PAM: variants seen among roughly 807,000 people sequenced by gnomAD.
PAM encodes the protein peptidyl-glycine alpha-amidating monooxygenase.
PAM carries 72 observed loss-of-function variants against 122.1 expected under a neutral mutation model. That is an observed-to-expected ratio of 0.59 (90% CI 0.49 to 0.72). The LOEUF (loss-of-function observed/expected upper bound fraction) is 0.72, where lower values mean the gene tolerates loss of function less well. PAM is among the 30% of genes least tolerant of loss of function. PAM has a pLI of 0.00. For synonymous variants in PAM, 389 were observed against 404.4 expected (o/e 0.96, Z 0.46); for missense variants, 1,106 against 1,183.7 (o/e 0.93, Z 0.96).
At chr5:102,885,101 A>ATATATATATAT (rs1561760697) in intron 3 of PAM, among the ~76,000 whole-genome samples, 2 of 151,442 alleles carry the variant, frequency 1.3e-5, no homozygotes, top group African/African-American at 4.9e-5. Context: ...ATATAACTAT[A>ATATATATATAT]AAAGCTTTAC....
chr5:102,900,516 G>A lies in PAM; in HGVS notation c.211-840G>A, dbSNP rs975817773. On this transcript the variant is annotated intron_variant, in intron 3 of 25. Transcript: ENST00000438793. ...ATAGGTACAAAATTCACAATTTTTT[G>A]GTGCTAATTGTTAGGTTTAGAAATG... 2.6e-5 allele frequency among the ~76,000 whole-genome samples: 4 copies of A among 151,422 alleles called. No individual in the cohort carries two copies. In the East Asian group the frequency reaches 7.8e-4, roughly 30 times the overall value.
At chr5:102,849,466 G>A (rs543468609) in intron 1 of PAM, among the ~76,000 whole-genome samples, 136 of 151,320 alleles carry the variant, frequency 9.0e-4, no homozygotes, top group Non-Finnish European at 1.6e-3. Flanking sequence ...GCTGAGACAG[G>A]AGAATCGCTT....
At chr5:103,000,945 A>G (rs897042313) in intron 16 of PAM, among the ~76,000 whole-genome samples, 3 of 152,202 alleles carry the variant, frequency 2.0e-5, no homozygotes, top group Non-Finnish European at 4.4e-5. Flanking sequence ...ACTCTACATA[A>G]ATAGGAGAAC....
chr5:102,865,435 GT>G (rs1785265334), intron 1 of PAM: 1 of 152,232 alleles, frequency 6.6e-6, no homozygotes. Flanking sequence ...GCCTTAGCCG[GT>G]CATTTGTGTG....
intron 15 of PAM, among the ~76,000 whole-genome samples, chr5:102,976,424 A>G (rs1279316462): frequency 6.6e-6 from 1 of 152,012 alleles, no homozygotes; most frequent in African/African-American, 2.4e-5. Flanking sequence ...AAAAAAAAGT[A>G]GGAAGTTATT....
chr5:102,829,363 G>GTTTTT (rs70990417), intron 1 of PAM, among the ~76,000 whole-genome samples: 1 of 140,506 alleles, frequency 7.1e-6, no homozygotes, highest in African/African-American at 2.6e-5. Flanking sequence ...CAACTGGGAG[G>GTTTTT]TTTTTTTTTT....
intron 3 of PAM, among the ~76,000 whole-genome samples, chr5:102,882,203 G>A (rs1334418576): frequency 6.8e-6 from 1 of 146,848 alleles, no homozygotes; most frequent in Non-Finnish European, 1.5e-5. Context: ...ATCTTTTTTT[G>A]TATAATGACT....
In PAM at chr5:103,004,495, T is replaced by G. The variant is rs961388973; in HGVS notation, c.1731-659T>G. On this transcript the variant is annotated intron_variant, in intron 17 of 25. Coordinates refer to ENST00000438793, the MANE Select transcript of PAM (RefSeq NM_001177306.2). ...CTAACAGAGCTATTGGATTGTCGGA[T>G]ATCATTGGACCAAACCACCTCAATG... 1.1e-4 allele frequency among the ~76,000 whole-genome samples: 16 copies of G among 152,204 alleles called. 1 individual carries two copies. Among genetic ancestry groups the G allele is most frequent in the African/African-American group, 3.9e-4 (16 of 41,460 alleles).
intron 7 of PAM, among the ~76,000 whole-genome samples, chr5:102,942,076 A>T (rs1561970497): frequency 6.6e-6 from 1 of 151,990 alleles, no homozygotes; most frequent in Admixed American, 6.6e-5. Flanking sequence ...ATATCTTTTT[A>T]AAAAAACAAC....
intron 1 of PAM, chr5:102,865,117 G>A (rs1358334668): frequency 1.3e-5 from 2 of 148,502 alleles, no homozygotes; most frequent in African/African-American, 5.2e-5. Context: ...TGGAAGGCAT[G>A]CCTTATGAGT....
chr5:102,847,265 C>T (rs140190811), intron 1 of PAM, among the ~76,000 whole-genome samples: 267 of 152,224 alleles, frequency 1.8e-3, no homozygotes, highest in Non-Finnish European at 3.1e-3. Flanking sequence ...ATGGTGAAAG[C>T]CTGTCTCTAC....
chr5:103,021,000 T>C (rs1783384187), intron 23 of PAM, among the ~76,000 whole-genome samples: 3 of 152,174 alleles, frequency 2.0e-5, no homozygotes, highest in Admixed American at 2.0e-4. Flanking sequence ...ATTGGTAAGT[T>C]CTGTTTGCCC....
chr5:103,026,580 C>T (rs956766375), intron 24 of PAM, among the ~76,000 whole-genome samples: 1 of 152,088 alleles, frequency 6.6e-6, no homozygotes, highest in African/African-American at 2.4e-5. Context: ...GAGAAATAAA[C>T]ATAGTCATTG....
At chr5:102,936,669 A>G (rs575377219) in intron 7 of PAM, among the ~76,000 whole-genome samples, 4 of 152,086 alleles carry the variant, frequency 2.6e-5, no homozygotes, top group Non-Finnish European at 5.9e-5. Flanking sequence ...AAAGTATTGT[A>G]TATTTTATTA....
rs141016222 is a variant in PAM at position 102,931,059 on chromosome 5, G to T, written c.526+4391G>T. Among the ~76,000 whole-genome samples the T allele has an allele frequency of 2.0e-5, 3 of 152,080 alleles. No homozygotes were observed. The East Asian group carries it at 5.8e-4, about 29-fold the overall frequency. On this transcript the variant is annotated intron_variant, in intron 7 of 25. Transcript: ENST00000438793. ...ATGGTATCATAGTGGTATCATAAAG[G>T]TACCATACCTTTATATAAATAAAGG...
At chr5:102,795,214 A>AAAAAAAAAAAAAAAAAAG in intron 1 of PAM, among the ~76,000 whole-genome samples, 6 of 139,404 alleles carry the variant, frequency 4.3e-5, no homozygotes, top group East Asian at 4.3e-4. Flanking sequence ...AAAAAAAAAG[A>AAAAAAAAAAAAAAAAAAG]AGAGAAGAAA....
At chr5:102,850,158 G>A (rs1240039814) in intron 1 of PAM, among the ~76,000 whole-genome samples, 1 of 152,070 alleles carries the variant, frequency 6.6e-6, no homozygotes, top group Admixed American at 6.6e-5. Context: ...GTTTTTGTGT[G>A]CTAAGTTTGG....
chr5:102,879,499 C>T lies in PAM; in HGVS notation c.210+12106C>T, dbSNP rs116511704. ...TATGGGGTCATGGGGGCAGATTTCCCCCTTGTTGTTCCAGTGACAGTAAGT... is the reference window on the plus strand; with the variant it reads ...TATGGGGTCATGGGGGCAGATTTCCTCCTTGTTGTTCCAGTGACAGTAAGT... On this transcript the variant is annotated intron_variant, in intron 3 of 25. Transcript: ENST00000438793. Among the ~76,000 whole-genome samples, 740 of 152,114 alleles carry T rather than the reference C, an allele frequency of 4.9e-3. 9 individuals carry two copies. The highest frequency in any genetic ancestry group is 0.017 in the African/African-American group (699 of 41,480).
At chr5:102,904,610 T>C (rs566820269) in intron 4 of PAM, among the ~76,000 whole-genome samples, 3 of 151,676 alleles carry the variant, frequency 2.0e-5, no homozygotes, top group Non-Finnish European at 3.0e-5. Flanking sequence ...TATTGGGTAA[T>C]AGGGATGTGA....
Sources: gnomAD v4.1 joint callset for allele counts (sites outside exome capture counted in the v4.1 genomes callset) on GRCh38, gnomAD v4.1.1 for gene constraint, MANE v1.5 for transcripts, NCBI Gene and HGNC (gene_info 2026-07-23, HGNC 2026-07-21) for gene names.